The following PTPRK variants were observed in gnomAD, a reference collection of about 807,000 sequenced individuals.
PTPRK encodes the protein protein tyrosine phosphatase receptor type K, also known as receptor-type tyrosine-protein phosphatase kappa.
In PTPRK, 75 loss-of-function variants were observed where a neutral mutation model predicts 178.0. That is an observed-to-expected ratio of 0.42 (90% CI 0.35 to 0.51). The LOEUF is 0.51. PTPRK is among the 20% of genes least tolerant of loss of function. The pLI, the probability that PTPRK is intolerant of heterozygous loss-of-function variation, is 0.02. For missense variants in PTPRK, 1,441 were observed against 1,797.8 expected (o/e 0.80, Z 3.59); for synonymous variants, 637 against 620.6 (o/e 1.03, Z -0.39).
intron 1 of PTPRK, among the ~76,000 whole-genome samples, chr6:128,500,127 T>A (rs1353564689): frequency 6.6e-6 from 1 of 152,158 alleles, no homozygotes; most frequent in Non-Finnish European, 1.5e-5. Flanking sequence ...ATGGCTTCAG[T>A]TTCTGATGCA....
chr6:128,143,611 C>T (rs1796084878), intron 7 of PTPRK, among the ~76,000 whole-genome samples: 1 of 152,120 alleles, frequency 6.6e-6, no homozygotes, highest in Non-Finnish European at 1.5e-5. Context: ...TTGCCCTTAC[C>T]TTTCAGCTCA....
intron 6 of PTPRK, among the ~76,000 whole-genome samples, chr6:128,193,826 C>T (rs1203645547): frequency 1.3e-5 from 2 of 151,876 alleles, no homozygotes; most frequent in African/African-American, 4.8e-5. Context: ...AATAAAAAGG[C>T]ACAGCTGCAG....
At chr6:128,102,217 G>A (rs1488191307) in intron 7 of PTPRK, among the ~76,000 whole-genome samples, 1 of 152,158 alleles carries the variant, frequency 6.6e-6, no homozygotes, top group African/African-American at 2.4e-5. Flanking sequence ...TCAAGAACAA[G>A]TATCTTTATC....
chr6:128,112,618 G>T (rs1180877464), intron 7 of PTPRK, among the ~76,000 whole-genome samples: 1 of 152,122 alleles, frequency 6.6e-6, no homozygotes, highest in Admixed American at 6.6e-5. Context: ...TTGACAGGTT[G>T]TCTGGGCTGG....
intron 6 of PTPRK, among the ~76,000 whole-genome samples, chr6:128,217,499 TGTCA>T (rs1206208339): frequency 7.9e-5 from 12 of 152,200 alleles, no homozygotes; most frequent in Non-Finnish European, 1.5e-4. Flanking sequence ...CTATTCTGGC[TGTCA>T]ATCATTAGAT....
Position 128,212,610 on chromosome 6 carries a change from C to T in PTPRK, c.868+6312G>A, listed in dbSNP as rs145832418. ...ATCTGAAATAAAATTCCCTTGAGTT[C>T]AGCACAAATAATTATTAATGATGCA... On this transcript the variant is annotated intron_variant, in intron 6 of 29. Transcript: ENST00000368226. Among the ~76,000 whole-genome samples the T allele has an allele frequency of 4.1e-3, 620 of 152,114 alleles. 2 individuals are homozygous for T. The highest frequency in any genetic ancestry group is 6.8e-3 in the Middle Eastern group (2 of 294).
intron 2 of PTPRK, among the ~76,000 whole-genome samples, chr6:128,384,606 A>C (rs1320975979): frequency 6.6e-6 from 1 of 152,220 alleles, no homozygotes; most frequent in East Asian, 1.9e-4. Context: ...ACATTCAAAT[A>C]CAACAGTTAG....
intron 2 of PTPRK, among the ~76,000 whole-genome samples, chr6:128,323,061 C>T (rs1352651462): frequency 6.6e-6 from 1 of 152,070 alleles, no homozygotes; most frequent in Admixed American, 6.6e-5. Flanking sequence ...TGTAGAGCTA[C>T]AAGAAACCCA....
intron 2 of PTPRK, among the ~76,000 whole-genome samples, chr6:128,388,932 C>T (rs1385632224): frequency 6.6e-6 from 1 of 152,066 alleles, no homozygotes; most frequent in Non-Finnish European, 1.5e-5. Context: ...ATTTAATCTC[C>T]AACTCTTAAA....
intron 1 of PTPRK, among the ~76,000 whole-genome samples, chr6:128,477,805 C>T (rs564232101): frequency 2.0e-4 from 30 of 152,100 alleles, no homozygotes; most frequent in African/African-American, 7.2e-4. Flanking sequence ...AAAAACCCAA[C>T]CTGATTTTAA....
At chr6:128,357,085 G>A (rs1320431620) in intron 2 of PTPRK, among the ~76,000 whole-genome samples, 2 of 152,174 alleles carry the variant, frequency 1.3e-5, no homozygotes, top group Non-Finnish European at 2.9e-5. Flanking sequence ...TAAGAATGAG[G>A]ATGGAGGCTG....
At chr6:128,303,776 ATT>A (rs372796216) in intron 3 of PTPRK, among the ~76,000 whole-genome samples, 1 of 152,046 alleles carries the variant, frequency 6.6e-6, no homozygotes, top group South Asian at 2.1e-4. Flanking sequence ...TTTAAAATGA[ATT>A]TTTTTTCTTT....
At position 128,064,790 on chromosome 6, in the gene PTPRK, G is replaced by A; in HGVS notation, c.2162C>T (p.Thr721Ile). Residue 721 changes from threonine to isoleucine, a missense_variant, in exon 13 of 30, where the codon ACT becomes ATT. Thr to Ile is a moderately conservative substitution (Grantham distance 89, BLOSUM62 -1). Transcript: ENST00000368226. ...AGCAATGCGTACGCACTGGGTTTTA[G>A]TTTCCTGATAGAGTAAAAATGAAAA... ...FQAMSSVEKE[T>I]KTQCVRIATK... 6.3e-7 allele frequency: 1 copy of A among 1,580,194 alleles called. No individual in the cohort carries two copies. Among genetic ancestry groups the A allele is most frequent in the Admixed American group, 2.0e-5 (1 of 51,202 alleles).
chr6:128,341,885 TTC>T (rs1259141179), intron 2 of PTPRK, among the ~76,000 whole-genome samples: 9 of 152,214 alleles, frequency 5.9e-5, no homozygotes, highest in Non-Finnish European at 1.2e-4. Context: ...TTTTCCTTAT[TTC>T]TCTTTGCTAT....
chr6:128,089,459 T>C (rs1786541588), intron 8 of PTPRK, among the ~76,000 whole-genome samples: 1 of 152,226 alleles, frequency 6.6e-6, no homozygotes, highest in Non-Finnish European at 1.5e-5. Flanking sequence ...TTGCCACTTC[T>C]GTGTAAGAAG....
rs558701826 is a variant in PTPRK at position 127,996,981 on chromosome 6, A to G, written c.2687T>C (p.Phe896Ser). The G allele has an allele frequency of 6.8e-6, 11 of 1,611,474 alleles. No individual in the cohort carries two copies. In the African/African-American group the frequency reaches 1.2e-4, roughly 18 times the overall value. The change falls in exon 17 of 30, where the codon TTT becomes TCT. Residue 896 changes from phenylalanine (F) to serine (S), a missense_variant. Phe to Ser is a radical substitution (Grantham distance 155). Coordinates refer to ENST00000368226, the MANE Select transcript of PTPRK (RefSeq NM_002844.4). ...YGFKEEYESF[F>S]EGQSASWDVA... ...ATCCCAAGATGCTGACTGTCCTTCA[A>G]AAAAGCTCTGGGAAAACAAAACGAA...
intron 2 of PTPRK, among the ~76,000 whole-genome samples, chr6:128,358,658 C>T (rs1834288003): frequency 6.6e-6 from 1 of 152,144 alleles, no homozygotes; most frequent in Admixed American, 6.5e-5. Context: ...TAGCAGAATA[C>T]CTAGAAGTGA....
intron 2 of PTPRK, among the ~76,000 whole-genome samples, chr6:128,322,622 C>T (rs562998951): frequency 6.7e-6 from 1 of 150,266 alleles, no homozygotes; most frequent in Non-Finnish European, 1.5e-5. Flanking sequence ...AAATCCAGAT[C>T]TCACTCTAAA....
chr6:128,435,441 T>A (rs980946820), intron 1 of PTPRK, among the ~76,000 whole-genome samples: 24 of 149,584 alleles, frequency 1.6e-4, no homozygotes, highest in South Asian at 4.2e-4. Context: ...TTTTTTAATT[T>A]AAAAAAAAAA....
Sources: gnomAD v4.1 joint callset for allele counts (sites outside exome capture counted in the v4.1 genomes callset) on GRCh38, gnomAD v4.1.1 for gene constraint, MANE v1.5 for transcripts, NCBI Gene and HGNC (gene_info 2026-07-23, HGNC 2026-07-21) for gene names.